The following ROBO1 variants were observed in gnomAD, a reference collection of about 807,000 sequenced individuals.
ROBO1 encodes the protein roundabout homolog 1.
Under a neutral mutation model 195.9 loss-of-function variants are expected in ROBO1, and 149 were observed. That is an observed-to-expected ratio of 0.76 (90% CI 0.67 to 0.87). The LOEUF (loss-of-function observed/expected upper bound fraction) is 0.87. Ranked by LOEUF, ROBO1 falls within the 40% of genes least tolerant of loss-of-function variation. ROBO1 has a pLI of 0.00. For synonymous variants in ROBO1, 816 were observed against 733.2 expected (o/e 1.11, Z -1.82); for missense variants, 1,933 against 2,068.3 (o/e 0.93, Z 1.27).
At chr3:79,211,565 AG>A (rs2081966305) in intron 2 of ROBO1, among the ~76,000 whole-genome samples, 1 of 152,170 alleles carries the variant, frequency 6.6e-6, no homozygotes, top group South Asian at 2.1e-4. Flanking sequence ...CTCTACTAAG[AG>A]GGAAAACATT....
chr3:79,647,936 T>G (rs1945881966), intron 1 of ROBO1, among the ~76,000 whole-genome samples: 1 of 152,162 alleles, frequency 6.6e-6, no homozygotes, highest in Non-Finnish European at 1.5e-5. Context: ...TTTATTTCAA[T>G]GTCTCACATT....
chr3:79,393,820 G>A (rs1394311300), intron 2 of ROBO1, among the ~76,000 whole-genome samples: 1 of 152,154 alleles, frequency 6.6e-6, no homozygotes, highest in Non-Finnish European at 1.5e-5. Context: ...AATACTGTCA[G>A]CTTTGATGGA....
intron 2 of ROBO1, among the ~76,000 whole-genome samples, chr3:79,127,186 C>T (rs1434441762): frequency 1.3e-5 from 2 of 152,100 alleles, no homozygotes; most frequent in African/African-American, 4.8e-5. Context: ...ACTTATTACA[C>T]GCACACGTTG....
intron 2 of ROBO1, among the ~76,000 whole-genome samples, chr3:79,518,843 G>GTA (rs1343437946): frequency 8.6e-6 from 1 of 116,636 alleles, no homozygotes; most frequent in Admixed American, 8.2e-5. Context: ...GGCTAATTCT[G>GTA]TATTTTTTTT....
intron 2 of ROBO1, among the ~76,000 whole-genome samples, chr3:79,575,212 T>TATATAA (rs1560007377): frequency 0.02 from 1,073 of 54,970 alleles, 42 homozygotes; most frequent in African/African-American, 0.058. Flanking sequence ...ATATAACAGA[T>TATATAA]ATATATATAT....
chr3:79,212,255 CCAGTTTGTGGCCAGATCTGGGGG>C (rs907635635), intron 2 of ROBO1, among the ~76,000 whole-genome samples: 4 of 152,062 alleles, frequency 2.6e-5, no homozygotes, highest in African/African-American at 7.2e-5. Context: ...AGTCTTGGGG[CCAGTTTGTGGCCAGATCTGGGGG>C]CAGTTTGTGG....
At chr3:79,279,962 G>A (rs1239477673) in intron 2 of ROBO1, among the ~76,000 whole-genome samples, 1 of 152,224 alleles carries the variant, frequency 6.6e-6, no homozygotes, top group Non-Finnish European at 1.5e-5. Flanking sequence ...GGATGGAACT[G>A]AAGGGCATTA....
chr3:79,647,909 T>C (rs545859764), intron 1 of ROBO1, among the ~76,000 whole-genome samples: 1 of 152,154 alleles, frequency 6.6e-6, no homozygotes, highest in African/African-American at 2.4e-5. Flanking sequence ...CTTTGAAAAA[T>C]GTGTGTCTAG....
chr3:78,847,665 T>G (rs2033760404), intron 4 of ROBO1, among the ~76,000 whole-genome samples: 1 of 152,120 alleles, frequency 6.6e-6, no homozygotes, highest in African/African-American at 2.4e-5. Context: ...CTCAGTTAGG[T>G]AGGTGAGAGA....
intron 1 of ROBO1, among the ~76,000 whole-genome samples, chr3:79,763,582 A>G (rs898707638): frequency 5.9e-5 from 9 of 152,174 alleles, no homozygotes; most frequent in African/African-American, 2.2e-4. Flanking sequence ...GAAAGGCAGA[A>G]AAGAACAACT....
Position 79,484,959 on chromosome 3 carries a change from G to C in ROBO1, c.88+104865C>G, listed in dbSNP as rs141839460. Among the ~76,000 whole-genome samples the C allele has an allele frequency of 5.4e-4, 82 of 151,660 alleles. No individual in the cohort carries two copies. The South Asian group carries it at 5.4e-3, about 10-fold the overall frequency. On this transcript the variant is annotated intron_variant, in intron 2 of 30. Transcript: ENST00000464233. ...AGTAGAGATGGGGTTTCACCATATT[G>C]TCCAGGATGATCTCGATCTCTTGAC...
intron 4 of ROBO1, among the ~76,000 whole-genome samples, chr3:78,910,296 A>G (rs1025772413): frequency 4.6e-5 from 7 of 151,928 alleles, no homozygotes; most frequent in Admixed American, 1.3e-4. Context: ...TATATACATA[A>G]CAGAGGCAAA....
chr3:79,742,827 AG>A (rs1703706301), intron 1 of ROBO1, among the ~76,000 whole-genome samples: 1 of 152,200 alleles, frequency 6.6e-6, no homozygotes, highest in African/African-American at 2.4e-5. Context: ...AAAAGCAAAG[AG>A]GCTTGGTGAA....
chr3:79,255,982 T>C (rs2082826363), intron 2 of ROBO1, among the ~76,000 whole-genome samples: 1 of 152,168 alleles, frequency 6.6e-6, no homozygotes, highest in Non-Finnish European at 1.5e-5. Flanking sequence ...GAATGCATAA[T>C]TTGGTAGAAA....
chr3:78,737,201 G>A (rs2082412151), intron 5 of ROBO1, among the ~76,000 whole-genome samples: 1 of 152,132 alleles, frequency 6.6e-6, no homozygotes. Flanking sequence ...TGTGGCAACT[G>A]AAAATTCTCA....
intron 3 of ROBO1, among the ~76,000 whole-genome samples, chr3:79,089,525 A>G (rs2079437160): frequency 6.6e-6 from 1 of 152,166 alleles, no homozygotes; most frequent in Non-Finnish European, 1.5e-5. Flanking sequence ...TTGTTCACTG[A>G]ATTATCATGC....
chr3:79,212,192 C>G (rs530544915), intron 2 of ROBO1, among the ~76,000 whole-genome samples: 4 of 152,104 alleles, frequency 2.6e-5, no homozygotes, highest in African/African-American at 7.2e-5. Context: ...TCAGCGTGGG[C>G]GTCATGGCCA....
At chr3:79,706,831 T>G (rs1947787824) in intron 1 of ROBO1, among the ~76,000 whole-genome samples, 1 of 152,148 alleles carries the variant, frequency 6.6e-6, no homozygotes, top group Non-Finnish European at 1.5e-5. Context: ...CAGGTATGTC[T>G]TCATCAACAG....
intron 2 of ROBO1, among the ~76,000 whole-genome samples, chr3:79,479,351 C>T (rs894917625): frequency 1.3e-5 from 2 of 152,118 alleles, no homozygotes; most frequent in Admixed American, 6.5e-5. Context: ...CCCTCGCATG[C>T]GCACTTCACA....
Sources: gnomAD v4.1 joint callset for allele counts (sites outside exome capture counted in the v4.1 genomes callset) on GRCh38, gnomAD v4.1.1 for gene constraint, MANE v1.5 for transcripts, NCBI Gene and HGNC (gene_info 2026-07-23, HGNC 2026-07-21) for gene names.